NBAS: variants seen among roughly 807,000 people sequenced by gnomAD.
NBAS encodes the protein NBAS subunit of NRZ tethering complex.
NBAS carries 219 observed loss-of-function variants against 302.5 expected under a neutral mutation model. That is an observed-to-expected ratio of 0.72 (90% confidence interval 0.65 to 0.81). The LOEUF (loss-of-function observed/expected upper bound fraction) is 0.81. NBAS is among the 30% of genes least tolerant of loss of function. NBAS has a pLI of 0.00. For missense variants in NBAS, 2,932 were observed against 2,841.6 expected (o/e 1.03, Z -0.72); for synonymous variants, 1,118 against 1,021.6 (o/e 1.09, Z -1.80).
At chr2:15,098,305 A>T in the NBAS span, among the ~76,000 whole-genome samples, 121 of 14,970 alleles carry the variant, frequency 8.1e-3, 47 homozygotes, top group African/African-American at 0.052. Flanking sequence ...TACAATATAT[A>T]ATATATTGTA....
At chr2:15,332,338 T>A (rs1672390996) in intron 35 of NBAS, among the ~76,000 whole-genome samples, 1 of 152,182 alleles carries the variant, frequency 6.6e-6, no homozygotes, top group Non-Finnish European at 1.5e-5. Flanking sequence ...TCAACTGTAT[T>A]GTTCTAAAGC....
chr2:15,528,203 A>C (rs2148670521), intron 9 of NBAS, among the ~76,000 whole-genome samples: 1 of 151,952 alleles, frequency 6.6e-6, no homozygotes, highest in African/African-American at 2.4e-5. Flanking sequence ...GATTGTATCC[A>C]TTCACCAAAG....
intron 28 of NBAS, among the ~76,000 whole-genome samples, chr2:15,389,041 G>T (rs1675456993): frequency 6.6e-6 from 1 of 152,064 alleles, no homozygotes; most frequent in South Asian, 2.1e-4. Context: ...TATACACATG[G>T]ATAGCATCCT....
the NBAS span, among the ~76,000 whole-genome samples, chr2:15,115,294 C>T: frequency 6.6e-6 from 1 of 152,122 alleles, no homozygotes; most frequent in Non-Finnish European, 1.5e-5. Flanking sequence ...AAAAACAATG[C>T]CTATAACATG....
At chr2:14,803,613 G>A in the NBAS span, among the ~76,000 whole-genome samples, 9 of 151,888 alleles carry the variant, frequency 5.9e-5, no homozygotes, top group African/African-American at 1.5e-4. Flanking sequence ...ATCATTGTTC[G>A]TGTTTGTGTA....
the NBAS span, among the ~76,000 whole-genome samples, chr2:14,811,835 T>C: frequency 6.6e-6 from 1 of 152,112 alleles, no homozygotes. Flanking sequence ...AGAATAGAAC[T>C]GACATAACTT....
chr2:14,904,397 A>C, the NBAS span, among the ~76,000 whole-genome samples: 3 of 152,208 alleles, frequency 2.0e-5, no homozygotes, highest in South Asian at 6.2e-4. Flanking sequence ...CAAGAGTCCA[A>C]AGGCGGAAGA....
chr2:15,244,130 A>T (rs1400793283), intron 44 of NBAS, among the ~76,000 whole-genome samples: 1 of 152,194 alleles, frequency 6.6e-6, no homozygotes, highest in Non-Finnish European at 1.5e-5. Context: ...ATATTTCAAA[A>T]CAAATGAAAA....
intron 51 of NBAS, among the ~76,000 whole-genome samples, chr2:15,175,261 G>A (rs903084946): frequency 2.0e-5 from 3 of 152,030 alleles, no homozygotes; most frequent in South Asian, 4.2e-4. Context: ...CACCGTGCCC[G>A]GCCAACACTT....
intron 42 of NBAS, among the ~76,000 whole-genome samples, chr2:15,286,362 A>G (rs908467602): frequency 6.6e-6 from 1 of 152,226 alleles, no homozygotes; most frequent in African/African-American, 2.4e-5. Context: ...GTCCTTGTTC[A>G]CCAGAATCCT....
At chr2:14,801,499 G>GT in the NBAS span, among the ~76,000 whole-genome samples, 61 of 151,708 alleles carry the variant, frequency 4.0e-4, 1 homozygote, top group African/African-American at 2.4e-5. Flanking sequence ...AGAAATTTGT[G>GT]TTTTTTTATT....
At chr2:15,000,952 A>G in the NBAS span, among the ~76,000 whole-genome samples, 1 of 152,168 alleles carries the variant, frequency 6.6e-6, no homozygotes, top group African/African-American at 2.4e-5. Flanking sequence ...GAGAGGGTGA[A>G]CGACACACCA....
At chr2:15,461,937 G>C in intron 19 of NBAS, 146 bp from the exon 20 acceptor site, 2 of 610,144 alleles carry the variant, frequency 3.3e-6, no homozygotes, top group Non-Finnish European at 5.9e-6. Flanking sequence ...GTTAACTAAA[G>C]TACTACATCT....
chr2:15,382,308 C>T (rs368326594), intron 29 of NBAS, among the ~76,000 whole-genome samples: 37 of 152,250 alleles, frequency 2.4e-4, no homozygotes, highest in African/African-American at 8.7e-4. Context: ...CTATTTCTTA[C>T]GTATCCTTTA....
the NBAS span, among the ~76,000 whole-genome samples, chr2:15,027,490 A>C: frequency 6.6e-6 from 1 of 152,116 alleles, no homozygotes; most frequent in South Asian, 2.1e-4. Flanking sequence ...TCCTATATCT[A>C]GCCACTTTAC....
At chr2:15,241,302 G>C (rs1387681067) in intron 44 of NBAS, among the ~76,000 whole-genome samples, 1 of 152,188 alleles carries the variant, frequency 6.6e-6, no homozygotes, top group Non-Finnish European at 1.5e-5. Context: ...GTGTGATATG[G>C]AAGAGTTTCA....
At chr2:15,497,591 A>T (rs1681117028) in intron 11 of NBAS, among the ~76,000 whole-genome samples, 2 of 152,122 alleles carry the variant, frequency 1.3e-5, no homozygotes, top group African/African-American at 4.8e-5. Flanking sequence ...TTTGTTTTGG[A>T]AATGTTTGAT....
At chr2:15,362,331 A>C (rs1014785369) in intron 32 of NBAS, among the ~76,000 whole-genome samples, 1 of 146,944 alleles carries the variant, frequency 6.8e-6, no homozygotes, top group African/African-American at 2.5e-5. Context: ...AAAAAAAAAG[A>C]AAGAAAAGAA....
At chr2:15,063,140 G>A in the NBAS span, among the ~76,000 whole-genome samples, 5 of 152,194 alleles carry the variant, frequency 3.3e-5, no homozygotes, top group Admixed American at 2.0e-4. Flanking sequence ...GTACAAATCC[G>A]TGTCTTTGTA....
Sources: gnomAD v4.1 joint callset for allele counts (sites outside exome capture counted in the v4.1 genomes callset) on GRCh38, gnomAD v4.1.1 for gene constraint, MANE v1.5 for transcripts, NCBI Gene and HGNC (gene_info 2026-07-23, HGNC 2026-07-21) for gene names.